The following ATF6 variants were observed in gnomAD, a reference collection of about 807,000 sequenced individuals.
The protein encoded by ATF6 is activating transcription factor 6.
In ATF6, 53 loss-of-function variants were observed where a neutral mutation model predicts 83.6. The ratio of observed to expected loss-of-function variants is 0.63; its 90% CI spans 0.51 to 0.80. The LOEUF (loss-of-function observed/expected upper bound fraction) is 0.80. ATF6 is among the 30% of genes least tolerant of loss of function. ATF6 has a pLI of 0.00. For missense variants in ATF6, 744 were observed against 797.9 expected, an observed-to-expected ratio of 0.93 and a Z score of 0.81; for synonymous variants, 288 against 285.8, an observed-to-expected ratio of 1.01 and a Z score of -0.08.
At chr1:161,945,584 A>G (rs1198558146) in intron 15 of ATF6, among the ~76,000 whole-genome samples, 1 of 152,230 alleles carries the variant, frequency 6.6e-6, no homozygotes, top group Non-Finnish European at 1.5e-5. Context: ...GGGAGATAGT[A>G]TACTTATCTT....
intron 15 of ATF6, among the ~76,000 whole-genome samples, chr1:161,922,388 A>G (rs1688229428): frequency 6.6e-6 from 1 of 152,150 alleles, no homozygotes; most frequent in South Asian, 2.1e-4. Flanking sequence ...TCATTCACTG[A>G]TTCTCCTTTA....
At chr1:161,912,022 T>C (rs1461009438) in intron 14 of ATF6, among the ~76,000 whole-genome samples, 1 of 152,174 alleles carries the variant, frequency 6.6e-6, no homozygotes, top group Non-Finnish European at 1.5e-5. Flanking sequence ...CAGTATTCTT[T>C]ATAGTGGTGC....
intron 9 of ATF6, among the ~76,000 whole-genome samples, chr1:161,837,802 C>T (rs956056124): frequency 6.6e-6 from 1 of 152,134 alleles, no homozygotes; most frequent in Non-Finnish European, 1.5e-5. Context: ...TGTATTAAGC[C>T]ATTATTTATC....
chr1:161,807,669 T>G (rs1439586892), intron 7 of ATF6, among the ~76,000 whole-genome samples: 1 of 152,142 alleles, frequency 6.6e-6, no homozygotes. Context: ...AAATGTAGGT[T>G]TGGAGCTTCT....
At chr1:161,899,748 C>T (rs1687744521) in intron 14 of ATF6, among the ~76,000 whole-genome samples, 1 of 152,120 alleles carries the variant, frequency 6.6e-6, no homozygotes, top group South Asian at 2.1e-4. Context: ...TTTTTCTCTG[C>T]TATTTTTTTA....
At chr1:161,770,799 G>A (rs536987499) in intron 1 of ATF6, among the ~76,000 whole-genome samples, 1 of 152,280 alleles carries the variant, frequency 6.6e-6, no homozygotes, top group South Asian at 2.1e-4. Context: ...TTGTGTGCAG[G>A]TTTTTGTGTG....
intron 9 of ATF6, among the ~76,000 whole-genome samples, chr1:161,842,874 C>T (rs1686391246): frequency 1.3e-5 from 2 of 152,200 alleles, no homozygotes; most frequent in Non-Finnish European, 2.9e-5. Context: ...GGAGCACATC[C>T]TACCACACAG....
chr1:161,771,075 T>C (rs1557951171), intron 1 of ATF6, among the ~76,000 whole-genome samples: 1 of 152,226 alleles, frequency 6.6e-6, no homozygotes, highest in Non-Finnish European at 1.5e-5. Context: ...CCTGATGACA[T>C]ATGATGTTGA....
chr1:161,802,841 A>G (rs1685189376), intron 7 of ATF6, among the ~76,000 whole-genome samples: 1 of 152,150 alleles, frequency 6.6e-6, no homozygotes, highest in Admixed American at 6.5e-5. Flanking sequence ...GATTTCTTAT[A>G]ATTTATAAAT....
intron 15 of ATF6, among the ~76,000 whole-genome samples, chr1:161,924,427 T>C (rs1299648135): frequency 1.3e-5 from 2 of 152,204 alleles, no homozygotes; most frequent in African/African-American, 4.8e-5. Context: ...TCTAGAATCT[T>C]GACATTGAAA....
intron 7 of ATF6, among the ~76,000 whole-genome samples, chr1:161,818,413 T>C (rs1294937095): frequency 1.3e-5 from 2 of 152,214 alleles, no homozygotes; most frequent in African/African-American, 4.8e-5. Flanking sequence ...GTAGTAGATA[T>C]TGTTGGTATT....
At chr1:161,921,986 T>C (rs1239290816) in intron 15 of ATF6, among the ~76,000 whole-genome samples, 2 of 96,230 alleles carry the variant, frequency 2.1e-5, no homozygotes, top group African/African-American at 7.9e-5. Context: ...CTTTCTTTGC[T>C]TGTTTTCCCT....
intron 15 of ATF6, among the ~76,000 whole-genome samples, chr1:161,955,918 C>G (rs2101922722): frequency 6.6e-6 from 1 of 152,312 alleles, no homozygotes; most frequent in East Asian, 1.9e-4. Context: ...CAAACCTAGC[C>G]TGAGTCTCCT....
intron 15 of ATF6, among the ~76,000 whole-genome samples, chr1:161,920,292 CTCTTT>C (rs1004454151): frequency 5.1e-5 from 1 of 19,790 alleles, no homozygotes; most frequent in African/African-American, 1.8e-4. Context: ...CTCTCTCTCT[CTCTTT>C]TTTTTTTTTT....
chr1:161,826,170 G>T (rs1685892457), intron 9 of ATF6, among the ~76,000 whole-genome samples: 1 of 152,172 alleles, frequency 6.6e-6, no homozygotes, highest in African/African-American at 2.4e-5. Flanking sequence ...CTCGATGAAG[G>T]AATAAAGAGG....
At chr1:161,792,696 TC>T (rs1684911414) in intron 6 of ATF6, among the ~76,000 whole-genome samples, 1 of 152,180 alleles carries the variant, frequency 6.6e-6, no homozygotes, top group South Asian at 2.1e-4. Context: ...AATAATAGGG[TC>T]CATTTCAGGT....
intron 12 of ATF6, among the ~76,000 whole-genome samples, chr1:161,859,349 T>C (rs1374840432): frequency 1.3e-5 from 2 of 152,248 alleles, no homozygotes; most frequent in African/African-American, 4.8e-5. Context: ...TATCGCATTG[T>C]ATTGTTTTCC....
intron 15 of ATF6, among the ~76,000 whole-genome samples, chr1:161,950,583 T>C (rs901072202): frequency 6.6e-6 from 1 of 152,174 alleles, no homozygotes; most frequent in Non-Finnish European, 1.5e-5. Context: ...TTTTAATCAT[T>C]AGAAGCCAGA....
At chr1:161,812,784 C>CTG (rs4040222) in intron 7 of ATF6, among the ~76,000 whole-genome samples, 55,981 of 145,202 alleles carry the variant, frequency 0.39, 10,549 homozygotes, top group South Asian at 0.51. Flanking sequence ...TTTGCCTCCT[C>CTG]TGTGTGTGTG....
Sources: allele counts gnomAD v4.1 joint callset (sites outside exome capture counted in the v4.1 genomes callset), GRCh38; gene constraint gnomAD v4.1.1; transcripts MANE v1.5; gene names NCBI Gene and HGNC (gene_info 2026-07-23, HGNC 2026-07-21).